The following CRHBP variants were observed in gnomAD, a reference collection of about 807,000 sequenced individuals.
CRHBP encodes the protein corticotropin releasing hormone binding protein.
A neutral mutation model predicts 34.9 loss-of-function variants in CRHBP; 19 were observed. The observed-to-expected ratio is 0.55, with a 90% CI of 0.38 to 0.80. The LOEUF (loss-of-function observed/expected upper bound fraction) is 0.80. CRHBP is among the 30% of genes least tolerant of loss of function. The pLI is 0.00. For missense variants in CRHBP, 328 were observed against 409.2 expected, an observed-to-expected ratio of 0.80 and a Z score of 1.71; for synonymous variants, 154 against 153.4, an observed-to-expected ratio of 1.00 and a Z score of -0.03.
downstream of CRHBP, among the ~76,000 whole-genome samples, chr5:76,969,685 GGT>G (rs1745914379): frequency 3.9e-5 from 6 of 152,258 alleles, no homozygotes; most frequent in South Asian, 1.2e-3. Flanking sequence ...CAGGGAAGCG[GGT>G]GCAGAGATTC....
chr5:76,973,184 G>A (rs1745974780), downstream of CRHBP, among the ~76,000 whole-genome samples: 1 of 152,130 alleles, frequency 6.6e-6, no homozygotes, highest in African/African-American at 2.4e-5. Context: ...TTCATACAAT[G>A]GGCCTGTCTA....
At chr5:76,968,546 A>G (rs1745896910) in intron 6 of CRHBP, among the ~76,000 whole-genome samples, 182 bp from the exon 7 acceptor site, 1 of 152,260 alleles carries the variant, frequency 6.6e-6, no homozygotes, top group African/African-American at 2.4e-5. Flanking sequence ...TCTATAACTA[A>G]TTATAAGTTA....
At chr5:76,975,825 A>AAAAAAAAAAAAAATATATATATATATAT in intron 2 of CRHBP, among the ~76,000 whole-genome samples, 2 of 61,840 alleles carry the variant, frequency 3.2e-5, no homozygotes, top group Admixed American at 1.8e-4. Flanking sequence ...AAAAAAAAAA[A>AAAAAAAAAAAAAATATATATATATATAT]ATATATATAT....
At chr5:76,960,198 G>T (rs1215387315) in intron 5 of CRHBP, among the ~76,000 whole-genome samples, 1 of 152,174 alleles carries the variant, frequency 6.6e-6, no homozygotes, top group Admixed American at 6.5e-5. Context: ...GAGGCGCGGG[G>T]CTACTTGTGA....
chr5:76,965,525 C>T (rs1174311457), intron 6 of CRHBP, among the ~76,000 whole-genome samples: 1 of 152,202 alleles, frequency 6.6e-6, no homozygotes, highest in Non-Finnish European at 1.5e-5. Flanking sequence ...CACTAAAGTA[C>T]TTCCATGCTC....
intron 2 of CRHBP, among the ~76,000 whole-genome samples, chr5:76,976,041 A>G (rs796091371): frequency 6.0e-5 from 9 of 150,720 alleles, no homozygotes; most frequent in African/African-American, 2.2e-4. Flanking sequence ...GCAAAAGCCA[A>G]TCCCTTCACC....
At chr5:76,963,041 T>C (rs761039760) in intron 5 of CRHBP, among the ~76,000 whole-genome samples, 3 of 152,234 alleles carry the variant, frequency 2.0e-5, no homozygotes, top group Middle Eastern at 3.4e-3. Context: ...TTTCCACACA[T>C]CTTATATGGA....
intron 4 of CRHBP, among the ~76,000 whole-genome samples, chr5:76,956,802 G>C (rs1745677897): frequency 6.6e-6 from 1 of 151,868 alleles, no homozygotes; most frequent in Admixed American, 6.6e-5. Flanking sequence ...TAAAAAATTA[G>C]AAAAGGAACA....
At chr5:76,963,160 A>G in intron 5 of CRHBP, 183 bp from the exon 6 acceptor site, 1 of 572,458 alleles carries the variant, frequency 1.7e-6, no homozygotes, top group Non-Finnish European at 3.1e-6. Flanking sequence ...TTAGAAAAGC[A>G]ATTTTTATGA....
At position 76,953,080 on chromosome 5, in the gene CRHBP, A is replaced by G. The variant is rs1745594305; in HGVS notation, c.-55A>G. On this transcript the variant is annotated 5_prime_UTR_variant, in exon 1 of 7. Coordinates refer to ENST00000274368, the MANE Select transcript of CRHBP (RefSeq NM_001882.4). The stretch of plus-strand genomic sequence containing the variant: ...TCTCAGTCTGCGCGAGGGTGTAGGA[A>G]GGAAAGCCCAGGACCTCCGGAGCAG... The G allele has an allele frequency of 2.5e-6, 4 of 1,577,750 alleles. No homozygotes were observed. Among genetic ancestry groups the G allele is most frequent in the Non-Finnish European group, 3.5e-6 (4 of 1,147,160 alleles).
At chr5:76,963,569 C>T in intron 6 of CRHBP, 109 bp downstream of exon 6, 1 of 854,336 alleles carries the variant, frequency 1.2e-6, no homozygotes, top group East Asian at 2.5e-5. Flanking sequence ...AAAAAGCCTT[C>T]AATTTTTCAC....
At chr5:76,961,744 G>GTTTGT (rs537168758) in intron 5 of CRHBP, among the ~76,000 whole-genome samples, 124 of 151,846 alleles carry the variant, frequency 8.2e-4, no homozygotes, top group East Asian at 4.1e-3. Flanking sequence ...GTGTTTTTTT[G>GTTTGT]TTTGTTTTGT....
At chr5:76,966,563 T>C (rs1745863588) in intron 6 of CRHBP, among the ~76,000 whole-genome samples, 1 of 152,110 alleles carries the variant, frequency 6.6e-6, no homozygotes, top group Non-Finnish European at 1.5e-5. Flanking sequence ...TTTAGGAAGT[T>C]TGCATTAATT....
downstream of CRHBP, among the ~76,000 whole-genome samples, chr5:76,969,869 T>G (rs1015129698): frequency 2.0e-5 from 3 of 150,846 alleles, no homozygotes; most frequent in Non-Finnish European, 4.4e-5. Context: ...GGCTTAAAAC[T>G]GAGTGTGTAG....
intron 5 of CRHBP, among the ~76,000 whole-genome samples, chr5:76,961,133 G>T (rs933106737): frequency 1.3e-4 from 20 of 152,272 alleles, no homozygotes; most frequent in African/African-American, 4.8e-4. Flanking sequence ...CCTGAACAAA[G>T]AAATTTAGGG....
chr5:76,972,516 GA>G (rs1745961851), downstream of CRHBP, among the ~76,000 whole-genome samples: 1 of 151,966 alleles, frequency 6.6e-6, no homozygotes, highest in Admixed American at 6.6e-5. Flanking sequence ...AAAATTTATA[GA>G]GACAGGGTCT....
intron 5 of CRHBP, among the ~76,000 whole-genome samples, chr5:76,962,087 TGTGTGTGTGTGG>T (rs1284812029): frequency 9.9e-5 from 15 of 152,052 alleles, no homozygotes; most frequent in Admixed American, 9.2e-4. Context: ...TGTGTGCTTA[TGTGTGTGTGTGG>T]GTGTGTGTGT....
intron 3 of CRHBP, among the ~76,000 whole-genome samples, chr5:76,954,738 G>A (rs576887533): frequency 6.6e-6 from 1 of 152,132 alleles, no homozygotes; most frequent in African/African-American, 2.4e-5. Context: ...TGCCGAGGGG[G>A]CATCTAGATT....
chr5:76,975,814 AAAAAAAAAAAAAT>A (rs1404281306), intron 2 of CRHBP, among the ~76,000 whole-genome samples: 1,867 of 103,172 alleles, frequency 0.018, 100 homozygotes, highest in African/African-American at 0.089. Flanking sequence ...AAAAAAAAAA[AAAAAAAAAAAAAT>A]ATATATATAT....
Sources: gnomAD v4.1 joint callset for allele counts (sites outside exome capture counted in the v4.1 genomes callset) on GRCh38, gnomAD v4.1.1 for gene constraint, MANE v1.5 for transcripts, NCBI Gene and HGNC (gene_info 2026-07-23, HGNC 2026-07-21) for gene names.